The following KCNMB2 variants were observed in gnomAD, a reference collection of about 807,000 sequenced individuals.
The protein encoded by KCNMB2 is potassium calcium-activated channel subfamily M regulatory beta subunit 2.
Under a neutral mutation model 24.5 loss-of-function variants are expected in KCNMB2, and 9 were observed. The observed-to-expected ratio is 0.37, with a 90% CI of 0.22 to 0.64. KCNMB2 has a LOEUF of 0.64. Ranked by LOEUF, KCNMB2 falls within the 30% of genes least tolerant of loss-of-function variation. The pLI, the probability that KCNMB2 is intolerant of heterozygous loss-of-function variation, is 0.63. For synonymous variants in KCNMB2, 109 were observed against 104.4 expected, an observed-to-expected ratio of 1.04 and a Z score of -0.27; for missense variants, 226 against 284.3, an observed-to-expected ratio of 0.79 and a Z score of 1.47.
intron 1 of KCNMB2, among the ~76,000 whole-genome samples, chr3:178,784,391 T>C (rs1346265762): frequency 6.6e-6 from 1 of 152,170 alleles, no homozygotes; most frequent in East Asian, 1.9e-4. Flanking sequence ...TTTTGATCCA[T>C]GCTTCCTCTT....
intron 1 of KCNMB2, among the ~76,000 whole-genome samples, chr3:178,541,196 A>C (rs935710010): frequency 2.0e-5 from 3 of 152,206 alleles, no homozygotes; most frequent in Admixed American, 6.5e-5. Flanking sequence ...AAATCACATC[A>C]CTGATTCCAA....
intron 1 of KCNMB2, among the ~76,000 whole-genome samples, chr3:178,699,963 G>T (rs984598293): frequency 6.6e-6 from 1 of 152,234 alleles, no homozygotes; most frequent in Non-Finnish European, 1.5e-5. Context: ...TTCCCCTGGA[G>T]CTGTTGTGGT....
chr3:178,730,736 A>C (rs1723122091), intron 1 of KCNMB2, among the ~76,000 whole-genome samples: 3 of 152,048 alleles, frequency 2.0e-5, no homozygotes. Flanking sequence ...CTGATCTTTA[A>C]ATAAGCTCAG....
At chr3:178,614,054 A>G (rs1718591705) in intron 1 of KCNMB2, among the ~76,000 whole-genome samples, 1 of 150,008 alleles carries the variant, frequency 6.7e-6, no homozygotes, top group South Asian at 2.1e-4. Context: ...AGGCTCACGA[A>G]TTCTTTCTTC....
At chr3:178,542,825 A>C (rs1413832907) in intron 1 of KCNMB2, among the ~76,000 whole-genome samples, 2 of 152,200 alleles carry the variant, frequency 1.3e-5, no homozygotes, top group Non-Finnish European at 2.9e-5. Flanking sequence ...GAGTATTAGA[A>C]AACCAGTTTC....
intron 1 of KCNMB2, among the ~76,000 whole-genome samples, chr3:178,616,708 G>A (rs575003256): frequency 4.9e-4 from 75 of 152,226 alleles, no homozygotes; most frequent in Non-Finnish European, 8.8e-4. Context: ...TGTCCTTGTC[G>A]GAGGAACAAT....
intron 1 of KCNMB2, among the ~76,000 whole-genome samples, chr3:178,684,623 T>C (rs1449022841): frequency 1.3e-5 from 2 of 151,754 alleles, no homozygotes; most frequent in Non-Finnish European, 2.9e-5. Context: ...AGGTCGGGAG[T>C]TCGTGACCAG....
intron 1 of KCNMB2, among the ~76,000 whole-genome samples, chr3:178,597,078 A>T (rs1247435263): frequency 6.6e-6 from 1 of 152,132 alleles, no homozygotes; most frequent in Non-Finnish European, 1.5e-5. Context: ...GGAGACTCAT[A>T]AAAGAACAGG....
intron 1 of KCNMB2, among the ~76,000 whole-genome samples, chr3:178,581,519 G>A (rs1222493025): frequency 6.6e-6 from 1 of 152,094 alleles, no homozygotes; most frequent in African/African-American, 2.4e-5. Context: ...AGACAAATGG[G>A]ATCTAATTAA....
chr3:178,556,136 A>T (rs1464601184), intron 1 of KCNMB2, among the ~76,000 whole-genome samples: 1 of 152,228 alleles, frequency 6.6e-6, no homozygotes, highest in Non-Finnish European at 1.5e-5. Flanking sequence ...AGGACGTCAC[A>T]GAGAAGGGGT....
At chr3:178,757,719 T>TATAA (rs1724176594) in intron 1 of KCNMB2, among the ~76,000 whole-genome samples, 4 of 79,646 alleles carry the variant, frequency 5.0e-5, no homozygotes, top group Non-Finnish European at 7.2e-5. Flanking sequence ...GATATATATA[T>TATAA]GTATATATAT....
At chr3:178,779,176 C>G (rs1411419528) in intron 1 of KCNMB2, among the ~76,000 whole-genome samples, 5 of 152,160 alleles carry the variant, frequency 3.3e-5, no homozygotes, top group Non-Finnish European at 7.3e-5. Flanking sequence ...GCCCCAGCCT[C>G]CCACCCAGCC....
At chr3:178,664,027 G>T (rs879499290) in intron 1 of KCNMB2, among the ~76,000 whole-genome samples, 1 of 152,034 alleles carries the variant, frequency 6.6e-6, no homozygotes, top group African/African-American at 2.4e-5. Flanking sequence ...AGAAAGAGTC[G>T]GGGTGTTCAA....
chr3:178,746,644 T>TTTAACA (rs2108383530), intron 1 of KCNMB2, among the ~76,000 whole-genome samples: 2 of 152,326 alleles, frequency 1.3e-5, no homozygotes, highest in East Asian at 3.9e-4. Flanking sequence ...TTTAAAAAAC[T>TTTAACA]GAATGCCTTT....
At chr3:178,813,182 A>T (rs569926134) in intron 2 of KCNMB2, among the ~76,000 whole-genome samples, 4 of 152,278 alleles carry the variant, frequency 2.6e-5, no homozygotes, top group African/African-American at 9.6e-5. Context: ...CATTTATTAG[A>T]TTTATTCCTA....
chr3:178,663,123 A>T (rs1431532802), intron 1 of KCNMB2, among the ~76,000 whole-genome samples: 1 of 152,102 alleles, frequency 6.6e-6, no homozygotes, highest in African/African-American at 2.4e-5. Flanking sequence ...CTCATCTTCA[A>T]GGAGGCTGGC....
At chr3:178,688,119 G>A (rs1721528958) in intron 1 of KCNMB2, among the ~76,000 whole-genome samples, 1 of 152,098 alleles carries the variant, frequency 6.6e-6, no homozygotes, top group Admixed American at 6.6e-5. Context: ...TTTTGCTTTT[G>A]CATTTCAAAT....
At chr3:178,622,381 T>C (rs1236295958) in intron 1 of KCNMB2, among the ~76,000 whole-genome samples, 1 of 152,218 alleles carries the variant, frequency 6.6e-6, no homozygotes, top group African/African-American at 2.4e-5. Flanking sequence ...GTATGGTGCC[T>C]GTTTCATGAC....
At chr3:178,797,084 A>T (rs1177132087) in intron 1 of KCNMB2, among the ~76,000 whole-genome samples, 1 of 152,166 alleles carries the variant, frequency 6.6e-6, no homozygotes. Context: ...AATTCAAAGG[A>T]TCATTAGAGA....
Sources: gnomAD v4.1 joint callset for allele counts (sites outside exome capture counted in the v4.1 genomes callset) on GRCh38, gnomAD v4.1.1 for gene constraint, MANE v1.5 for transcripts, NCBI Gene and HGNC (gene_info 2026-07-23, HGNC 2026-07-21) for gene names.